Variants in OPCML observed in about 807,000 individuals in gnomAD.
OPCML encodes opioid binding protein/cell adhesion molecule like.
OPCML carries 13 observed loss-of-function variants against 37.8 expected under a neutral mutation model. That is an observed-to-expected ratio of 0.34 (90% CI 0.22 to 0.55). The LOEUF (loss-of-function observed/expected upper bound fraction) is 0.55. OPCML is among the 20% of genes least tolerant of loss of function. The probability of loss-of-function intolerance (pLI) is 0.91; values close to 1 mark genes in which losing one functional copy is unlikely to be tolerated. For missense variants in OPCML, 341 were observed against 435.6 expected, an observed-to-expected ratio of 0.78 and a Z score of 1.93; for synonymous variants, 176 against 168.8, an observed-to-expected ratio of 1.04 and a Z score of -0.33.
intron 2 of OPCML, among the ~76,000 whole-genome samples, chr11:132,839,825 A>G (rs985182602): frequency 3.9e-5 from 6 of 152,220 alleles, no homozygotes; most frequent in African/African-American, 1.4e-4. Flanking sequence ...ATTAAAATCT[A>G]ATTGAAATAA....
At chr11:133,157,324 A>C (rs1950076373) in intron 1 of OPCML, among the ~76,000 whole-genome samples, 1 of 152,182 alleles carries the variant, frequency 6.6e-6, no homozygotes, top group Admixed American at 6.5e-5. Flanking sequence ...GCTGTTCATC[A>C]GGTCCAGGCA....
At chr11:132,833,439 C>T (rs999223357) in intron 2 of OPCML, among the ~76,000 whole-genome samples, 20 of 152,326 alleles carry the variant, frequency 1.3e-4, no homozygotes, top group Middle Eastern at 3.4e-3. Context: ...CCGGTGCTAA[C>T]AATGCCTTCT....
chr11:133,037,781 T>C (rs10791272), intron 1 of OPCML, among the ~76,000 whole-genome samples: 23,962 of 152,208 alleles, frequency 0.16, 2,137 homozygotes, highest in Admixed American at 0.29. Flanking sequence ...ATCTGTGCCA[T>C]GCTGGATAAA....
chr11:132,450,789 G>T (rs2096066522), intron 4 of OPCML, among the ~76,000 whole-genome samples: 1 of 152,244 alleles, frequency 6.6e-6, no homozygotes, highest in East Asian at 1.9e-4. Context: ...CTAGGCTCAG[G>T]AGTGATTATG....
At chr11:133,097,188 C>T (rs750247875) in intron 1 of OPCML, among the ~76,000 whole-genome samples, 10 of 152,228 alleles carry the variant, frequency 6.6e-5, no homozygotes, top group South Asian at 4.1e-4. Flanking sequence ...ACAGAAATTG[C>T]GCAATGTGTG....
At chr11:133,337,354 T>G (rs1374198965) in intron 1 of OPCML, among the ~76,000 whole-genome samples, 1 of 152,148 alleles carries the variant, frequency 6.6e-6, no homozygotes, top group African/African-American at 2.4e-5. Context: ...TTGATCAATA[T>G]GCAGTCAACA....
At chr11:133,532,080 C>T (rs1376693921) in intron 1 of OPCML, 184 bp downstream of exon 1, 15 of 566,592 alleles carry the variant, frequency 2.6e-5, no homozygotes, top group African/African-American at 4.1e-5. Flanking sequence ...AGCATCTGCG[C>T]GCGTGTGAGC....
At chr11:133,171,041 G>A (rs530497460) in intron 1 of OPCML, among the ~76,000 whole-genome samples, 1 of 152,336 alleles carries the variant, frequency 6.6e-6, no homozygotes, top group South Asian at 2.1e-4. Context: ...AGCCTTGGCT[G>A]TGGAGACCTC....
intron 3 of OPCML, among the ~76,000 whole-genome samples, chr11:132,622,552 C>T (rs895268758): frequency 3.9e-5 from 6 of 152,156 alleles, no homozygotes; most frequent in African/African-American, 1.2e-4. Context: ...CAGTGGGAGT[C>T]GAGCCTGATG....
At chr11:132,468,953 C>T (rs1373159930) in intron 4 of OPCML, among the ~76,000 whole-genome samples, 1 of 152,220 alleles carries the variant, frequency 6.6e-6, no homozygotes, top group Non-Finnish European at 1.5e-5. Context: ...TAGAATTATG[C>T]TCATTGCCTC....
chr11:133,273,366 G>A (rs1041388658), intron 1 of OPCML, among the ~76,000 whole-genome samples: 16 of 152,050 alleles, frequency 1.1e-4, no homozygotes, highest in African/African-American at 3.1e-4. Context: ...GCTGGGGGCC[G>A]GGAATCAGCT....
At chr11:133,263,402 T>C (rs1004024304) in intron 1 of OPCML, among the ~76,000 whole-genome samples, 1 of 152,138 alleles carries the variant, frequency 6.6e-6, no homozygotes, top group Non-Finnish European at 1.5e-5. Context: ...TTGCCTACAG[T>C]GTTCAATACA....
chr11:133,077,110 A>G (rs1948632581), intron 1 of OPCML, among the ~76,000 whole-genome samples: 1 of 152,028 alleles, frequency 6.6e-6, no homozygotes, highest in African/African-American at 2.4e-5. Context: ...CTCTAGAGTG[A>G]TGCTAGGGAA....
intron 1 of OPCML, among the ~76,000 whole-genome samples, chr11:133,111,317 T>G (rs1431551401): frequency 6.6e-6 from 1 of 152,206 alleles, no homozygotes; most frequent in Admixed American, 6.5e-5. Flanking sequence ...CATATGTCCC[T>G]TCACTGTAAT....
chr11:133,523,268 T>G (rs1009005137), intron 1 of OPCML, among the ~76,000 whole-genome samples: 20 of 152,018 alleles, frequency 1.3e-4, no homozygotes, highest in African/African-American at 4.4e-4. Context: ...CAGGACAAGA[T>G]CACACCTAAA....
chr11:133,485,407 C>T (rs1303193088), intron 1 of OPCML, among the ~76,000 whole-genome samples: 1 of 152,122 alleles, frequency 6.6e-6, no homozygotes, highest in African/African-American at 2.4e-5. Context: ...AGGGAAGTCA[C>T]CCATGATGAA....
intron 1 of OPCML, among the ~76,000 whole-genome samples, chr11:133,168,226 T>A (rs1222398245): frequency 6.6e-6 from 1 of 152,180 alleles, no homozygotes; most frequent in African/African-American, 2.4e-5. Flanking sequence ...ATAGCAGCCA[T>A]GACACCAGGG....
intron 1 of OPCML, among the ~76,000 whole-genome samples, chr11:132,967,646 C>A (rs1946244839): frequency 6.6e-6 from 1 of 152,140 alleles, no homozygotes; most frequent in African/African-American, 2.4e-5. Flanking sequence ...TTGCTTTCTA[C>A]AATTGTTTTC....
At chr11:133,122,902 G>A (rs1262039550) in intron 1 of OPCML, among the ~76,000 whole-genome samples, 2 of 152,188 alleles carry the variant, frequency 1.3e-5, no homozygotes, top group African/African-American at 2.4e-5. Context: ...TTCTCCAGCT[G>A]CTTTCAGCAT....
Sources: allele counts gnomAD v4.1 joint callset (sites outside exome capture counted in the v4.1 genomes callset), GRCh38; gene constraint gnomAD v4.1.1; transcripts MANE v1.5; gene names NCBI Gene and HGNC (gene_info 2026-07-23, HGNC 2026-07-21).